TSPAN14: variants seen among roughly 807,000 people sequenced by gnomAD.
The protein encoded by TSPAN14 is tetraspanin 14.
Under a neutral mutation model 36.6 loss-of-function variants are expected in TSPAN14, and 16 were observed. The observed-to-expected ratio is 0.44, with a 90% confidence interval of 0.30 to 0.66. The LOEUF (loss-of-function observed/expected upper bound fraction) is 0.66, where lower values mean the gene tolerates loss of function less well. Among genes scored for constraint, TSPAN14 ranks in the 30% least tolerant of loss-of-function variants. The probability of loss-of-function intolerance (pLI) is 0.12; values close to 1 mark genes in which losing one functional copy is unlikely to be tolerated. For synonymous variants in TSPAN14, 139 were observed against 143.8 expected, an observed-to-expected ratio of 0.97 and a Z score of 0.24; for missense variants, 231 against 355.1, an observed-to-expected ratio of 0.65 and a Z score of 2.81.
At chr10:80,481,920 ATTGT>A (rs956198723) in intron 1 of TSPAN14, among the ~76,000 whole-genome samples, 4 of 152,156 alleles carry the variant, frequency 2.6e-5, no homozygotes, top group South Asian at 2.1e-4. Flanking sequence ...TGCCCGGCTA[ATTGT>A]TTGTATTTTT....
At chr10:80,496,282 T>C (rs1345862507) in intron 2 of TSPAN14, among the ~76,000 whole-genome samples, 1 of 152,204 alleles carries the variant, frequency 6.6e-6, no homozygotes, top group Admixed American at 6.5e-5. Flanking sequence ...TAGATTTTTT[T>C]CCTAATATAA....
At chr10:80,508,758 A>G (rs761787592) in intron 4 of TSPAN14, among the ~76,000 whole-genome samples, 7 of 152,190 alleles carry the variant, frequency 4.6e-5, no homozygotes, top group Non-Finnish European at 7.4e-5. Context: ...CAGGCAAGCT[A>G]TGTACCTCGT....
chr10:80,514,047 A>G (rs748288768), exon 7 of TSPAN14: 1 of 1,613,978 alleles, frequency 6.2e-7, no homozygotes, highest in Non-Finnish European at 8.5e-7. Flanking sequence ...CAGTGTGGAT[A>G]TGATGTCAGG....
chr10:80,510,945 A>G (rs1474387058), intron 5 of TSPAN14, among the ~76,000 whole-genome samples: 2 of 152,226 alleles, frequency 1.3e-5, no homozygotes, highest in African/African-American at 4.8e-5. Context: ...TCAGTAAATT[A>G]CAGAGCTTCC....
rs778610630 is a variant in TSPAN14, at chr10:80,509,309, C to T, written c.288C>T (p.Gly96=). ...GTCCCCTTCCCCTGCAGTTCTGTGG[C>T]ACCATCGTGCTCATCTTCTTCCTGG... The change falls in exon 5 of 9, where the codon GGC becomes GGT. Residue 96 remains glycine (G), a synonymous_variant. Transcript: ENST00000429989. This position sits in a 1 kb window ranked among gnomAD's most constrained non-coding sequence, Gnocchi z 4.7. 5 of 1,613,408 alleles carry T rather than the reference C, an allele frequency of 3.1e-6. No homozygotes were observed. The highest frequency in any genetic ancestry group is 4.5e-5 in the East Asian group (2 of 44,874).
chr10:80,485,708 C>T lies in TSPAN14; in HGVS notation c.-17-3509C>T, dbSNP rs1185351784. The T allele has an allele frequency of 6.1e-6, 6 of 985,226 alleles. No individual in the cohort carries two copies. In the South Asian group the frequency reaches 2.3e-4, roughly 39 times the overall value. The allele number at this position is 985,226 out of a possible 1,614,324, so 61.0% of individuals were successfully genotyped here. ...CAGAGAGGGACAGATTGAGAGGTGCCTTCCCTCCCTGTCCCGAGGTTAGGT... is the reference window on the plus strand; with the variant it reads ...CAGAGAGGGACAGATTGAGAGGTGCTTTCCCTCCCTGTCCCGAGGTTAGGT... On this transcript the variant is annotated intron_variant, in intron 1 of 8. Transcript: ENST00000429989.
chr10:80,456,808 A>G (rs1020288802), intron 1 of TSPAN14, among the ~76,000 whole-genome samples: 4 of 152,242 alleles, frequency 2.6e-5, no homozygotes, highest in African/African-American at 9.6e-5. Flanking sequence ...CATGCCTGTA[A>G]TCCCAGCACT....
At chr10:80,465,779 G>A (rs1030686016) in intron 1 of TSPAN14, among the ~76,000 whole-genome samples, 1 of 152,200 alleles carries the variant, frequency 6.6e-6, no homozygotes, top group Non-Finnish European at 1.5e-5. Flanking sequence ...AACAGAGGCA[G>A]GATTGGTTAA....
intron 1 of TSPAN14, 73 bp from the exon 2 acceptor site, chr10:80,489,144 G>A (rs142892749): frequency 6.2e-6 from 6 of 972,316 alleles, no homozygotes; most frequent in East Asian, 2.7e-5. Flanking sequence ...TCTAGAATCC[G>A]CATATGAGCT....
chr10:80,474,602 T>A (rs1225138509), intron 1 of TSPAN14, among the ~76,000 whole-genome samples: 1 of 151,794 alleles, frequency 6.6e-6, no homozygotes, highest in African/African-American at 2.4e-5. Context: ...CTGGTGCTTG[T>A]GTGGAAAGAT....
chr10:80,455,120 C>T (rs1845677223), intron 1 of TSPAN14, among the ~76,000 whole-genome samples: 1 of 152,126 alleles, frequency 6.6e-6, no homozygotes, highest in Non-Finnish European at 1.5e-5. Flanking sequence ...TCTCCTCCAC[C>T]CCCAGGGGTG....
intron 1 of TSPAN14, among the ~76,000 whole-genome samples, chr10:80,487,325 G>A (rs1027196686): frequency 1.2e-4 from 19 of 152,176 alleles, no homozygotes; most frequent in African/African-American, 3.9e-4. Flanking sequence ...CCGTGGGGGC[G>A]GGGGTGGGGG....
intron 2 of TSPAN14, among the ~76,000 whole-genome samples, chr10:80,490,515 T>G (rs1847869216): frequency 1.3e-5 from 2 of 152,108 alleles, no homozygotes; most frequent in Non-Finnish European, 2.9e-5. Flanking sequence ...AAAGGCACAG[T>G]CAACCATGGT....
chr10:80,513,585 A>G (rs182540499), intron 6 of TSPAN14, among the ~76,000 whole-genome samples: 3 of 152,362 alleles, frequency 2.0e-5, no homozygotes, highest in Non-Finnish European at 4.4e-5. Flanking sequence ...CCCCAGGCCA[A>G]ATCTGGCTTG....
chr10:80,504,648 G>A, intron 2 of TSPAN14, 80 bp from the exon 3 acceptor site: 4 of 1,563,132 alleles, frequency 2.6e-6, no homozygotes, highest in South Asian at 1.1e-5. Context: ...ACCTGGCAGT[G>A]TGGACTTTGC....
chr10:80,489,310 T>C (rs1847797621), exon 2 of TSPAN14: 18 of 1,564,200 alleles, frequency 1.2e-5, no homozygotes, highest in Non-Finnish European at 1.6e-5. Flanking sequence ...AACATCATCT[T>C]CTGGGTAAGT....
chr10:80,505,369 G>C (rs1229885848), intron 3 of TSPAN14, among the ~76,000 whole-genome samples: 1 of 152,136 alleles, frequency 6.6e-6, no homozygotes, highest in Non-Finnish European at 1.5e-5. Context: ...GGGCTGTGCT[G>C]CTGCTTGTTG....
At chr10:80,490,732 TAAAG>T (rs1375488326) in intron 2 of TSPAN14, among the ~76,000 whole-genome samples, 1 of 151,988 alleles carries the variant, frequency 6.6e-6, no homozygotes, top group Non-Finnish European at 1.5e-5. Context: ...ATGCTTGCCT[TAAAG>T]AGGAGAAGAA....
At chr10:80,473,709 A>C (rs1394809473) in intron 1 of TSPAN14, among the ~76,000 whole-genome samples, 1 of 145,454 alleles carries the variant, frequency 6.9e-6, no homozygotes, top group African/African-American at 2.5e-5. Context: ...TTTAAATTAA[A>C]GTTTTTTTTT....
Sources: gnomAD v4.1 joint callset for allele counts (sites outside exome capture counted in the v4.1 genomes callset) on GRCh38, gnomAD v4.1.1 for gene constraint, Gnocchi (gnomAD v3.1) non-coding constraint, MANE v1.5 for transcripts, NCBI Gene and HGNC (gene_info 2026-07-23, HGNC 2026-07-21) for gene names.